The following MPRIP variants were observed in gnomAD, a reference collection of about 807,000 sequenced individuals.
The protein encoded by MPRIP is myosin phosphatase Rho-interacting protein.
A neutral mutation model predicts 234.9 loss-of-function variants in MPRIP; 59 were observed. The ratio of observed to expected loss-of-function variants is 0.25; its 90% CI spans 0.20 to 0.31. The LOEUF (loss-of-function observed/expected upper bound fraction) is 0.31, where lower values mean the gene tolerates loss of function less well. Ranked by LOEUF, MPRIP falls within the 10% of genes least tolerant of loss-of-function variation. The pLI is 1.00. For synonymous variants in MPRIP, 1,144 were observed against 1,263.9 expected (o/e 0.91, Z 2.01); for missense variants, 2,436 against 3,071.0 (o/e 0.79, Z 4.89).
At chr17:17,073,910 C>G (rs2144028646) in intron 1 of MPRIP, among the ~76,000 whole-genome samples, 3 of 152,324 alleles carry the variant, frequency 2.0e-5, no homozygotes, top group Middle Eastern at 6.8e-3. Context: ...GCAAAGCAAG[C>G]CTCTCCTGTC....
chr17:17,084,458 C>CA (rs1418920648), intron 3 of MPRIP, among the ~76,000 whole-genome samples: 1 of 152,222 alleles, frequency 6.6e-6, no homozygotes, highest in Non-Finnish European at 1.5e-5. Context: ...TCCTACTTCT[C>CA]ACAATGGTAG....
intron 3 of MPRIP, among the ~76,000 whole-genome samples, chr17:17,101,175 C>A (rs543506232): frequency 1.6e-4 from 24 of 152,298 alleles, no homozygotes; most frequent in African/African-American, 5.8e-4. Context: ...CCTTGCTTCA[C>A]CCTCAATAAA....
At chr17:17,089,015 A>G (rs1233091434) in intron 3 of MPRIP, among the ~76,000 whole-genome samples, 3 of 152,224 alleles carry the variant, frequency 2.0e-5, no homozygotes, top group Non-Finnish European at 4.4e-5. Flanking sequence ...GGGCTGGTCC[A>G]GCCCACACAC....
At chr17:17,175,451 C>T (rs895695789) in intron 20 of MPRIP, 39 bp downstream of exon 20, 2 of 1,552,334 alleles carry the variant, frequency 1.3e-6, no homozygotes, top group African/African-American at 1.4e-5. Context: ...CTCAGCTCTG[C>T]ACCCAGGAAC....
At position 17,136,299 on chromosome 17, in the gene MPRIP, A is replaced by G. The variant is rs147247641; in HGVS notation, c.585A>G (p.Lys195=). 2.0e-3 allele frequency: 3,200 copies of G among 1,613,800 alleles called. 14 individuals are homozygous for G. In the Middle Eastern group the frequency reaches 0.024, roughly 12 times the overall value. The change falls in exon 6 of 24, where the codon AAA becomes AAG. Residue 195 remains lysine, a synonymous_variant. Transcript: ENST00000651222. ...SSSSSIPSAE[K]VPTTKSTLWQ... is the part of the protein sequence containing the mutation. ...GCAGCAGCATCCCCAGTGCTGAGAA[A>G]GTCCCCACCACCAAGTCCACACTCT...
intron 3 of MPRIP, among the ~76,000 whole-genome samples, chr17:17,119,874 A>G (rs575747436): frequency 6.6e-6 from 1 of 152,246 alleles, no homozygotes; most frequent in Non-Finnish European, 1.5e-5. Flanking sequence ...TTTCATGTGC[A>G]TGTGTGCACT....
chr17:17,100,568 G>A (rs1175763562), intron 3 of MPRIP, among the ~76,000 whole-genome samples: 1 of 152,128 alleles, frequency 6.6e-6, no homozygotes, highest in East Asian at 1.9e-4. Flanking sequence ...TACTGCCTGA[G>A]CTCCACCTCT....
At chr17:17,072,955 A>G (rs1269953691) in intron 1 of MPRIP, among the ~76,000 whole-genome samples, 1 of 152,052 alleles carries the variant, frequency 6.6e-6, no homozygotes, top group East Asian at 1.9e-4. Context: ...TTCACACGTC[A>G]TACGTTTAAC....
chr17:17,098,057 G>A (rs2089885414), intron 3 of MPRIP, among the ~76,000 whole-genome samples: 1 of 152,166 alleles, frequency 6.6e-6, no homozygotes, highest in African/African-American at 2.4e-5. Flanking sequence ...CTGCCATGTT[G>A]CCTCCCTGCG....
intron 3 of MPRIP, among the ~76,000 whole-genome samples, chr17:17,090,547 C>T (rs964797899): frequency 3.3e-5 from 5 of 152,098 alleles, no homozygotes; most frequent in Non-Finnish European, 4.4e-5. Flanking sequence ...TGGTGTTGGC[C>T]GTCTGTCTGC....
intron 1 of MPRIP, among the ~76,000 whole-genome samples, chr17:17,069,264 A>G (rs973830027): frequency 6.6e-6 from 1 of 152,048 alleles, no homozygotes; most frequent in Non-Finnish European, 1.5e-5. Flanking sequence ...TTAGATTAAT[A>G]TTTTCAGGAT....
chr17:17,125,166 G>A (rs1022752143), intron 3 of MPRIP, among the ~76,000 whole-genome samples: 1 of 152,174 alleles, frequency 6.6e-6, no homozygotes, highest in Admixed American at 6.5e-5. Context: ...AGACACCTGC[G>A]GGCCACTCCA....
chr17:17,051,079 C>T (rs888961864), intron 1 of MPRIP, among the ~76,000 whole-genome samples: 1 of 152,212 alleles, frequency 6.6e-6, no homozygotes, highest in African/African-American at 2.4e-5. Flanking sequence ...CGGGTGCCTG[C>T]CTTCTCTTTG....
intron 3 of MPRIP, among the ~76,000 whole-genome samples, chr17:17,106,989 T>G (rs568437935): frequency 6.6e-6 from 1 of 152,168 alleles, no homozygotes; most frequent in African/African-American, 2.4e-5. Flanking sequence ...TTAATAATTA[T>G]TTTATTGGGT....
intron 4 of MPRIP, among the ~76,000 whole-genome samples, chr17:17,131,389 A>C (rs1026240993): frequency 6.6e-6 from 1 of 152,234 alleles, no homozygotes; most frequent in African/African-American, 2.4e-5. Context: ...GGCCATGGCC[A>C]GGCCAGGCCT....
intron 13 of MPRIP, among the ~76,000 whole-genome samples, chr17:17,155,348 G>T (rs2045705400): frequency 6.6e-6 from 1 of 152,184 alleles, no homozygotes; most frequent in South Asian, 2.1e-4. Context: ...CACCTCGTGG[G>T]TTCAAGCAGT....
At position 17,164,128 on chromosome 17, in the gene MPRIP, C is replaced by T; in HGVS notation, c.2537C>T (p.Pro846Leu). 7.7e-7 allele frequency: 1 copy of T among 1,304,184 alleles called. No homozygotes were observed. Among genetic ancestry groups the T allele is most frequent in the Non-Finnish European group, 1.0e-6 (1 of 988,984 alleles). The allele number at this position is 1,304,184 out of a possible 1,614,324, so 80.8% of individuals were successfully genotyped here. ...TTTAAGACTGAAGTGGCCGCCTCCC[C>T]ATCGGGTGCCTGGCAGAGGCTCCAT... Reference protein sequence around the residue: ...YVLQTEVAASPSGAWQRLHRV... With the variant: ...YVLQTEVAASLSGAWQRLHRV... Residue 846 changes from proline to leucine, a missense_variant, in exon 16 of 24, where the codon CCA (proline) becomes CTA (leucine). Physicochemically the swap from Pro to Leu is moderately conservative, Grantham distance 98. Around this residue, in one of 4 missense-constraint regions of MPRIP, gnomAD observed 1,998 missense variants for 2,520.3 expected, o/e 0.79. Coordinates refer to ENST00000651222, the MANE Select transcript of MPRIP (RefSeq NM_001364716.4).
chr17:17,149,533 G>A (rs1040991261), intron 11 of MPRIP, among the ~76,000 whole-genome samples: 1 of 151,648 alleles, frequency 6.6e-6, no homozygotes, highest in African/African-American at 2.4e-5. Flanking sequence ...ATGGAATGCA[G>A]AAACAAGAAT....
At chr17:17,161,824 C>A (rs1266597498) in intron 15 of MPRIP, among the ~76,000 whole-genome samples, 2 of 152,338 alleles carry the variant, frequency 1.3e-5, no homozygotes, top group East Asian at 3.9e-4. Context: ...GACCCCATTC[C>A]CATCTGTTTC....
Sources: allele counts gnomAD v4.1 joint callset (sites outside exome capture counted in the v4.1 genomes callset), GRCh38; gene constraint gnomAD v4.1.1; regional missense constraint gnomAD v4.1.1; transcripts MANE v1.5; gene names NCBI Gene and HGNC (gene_info 2026-07-23, HGNC 2026-07-21).